Variants in SNX3 observed in about 807,000 individuals in gnomAD.
SNX3 encodes the protein sorting nexin 3.
A neutral mutation model predicts 17.7 loss-of-function variants in SNX3; 5 were observed. The ratio of observed to expected loss-of-function variants is 0.28; its 90% CI spans 0.15 to 0.59. SNX3 has a LOEUF of 0.59. SNX3 is among the 20% of genes least tolerant of loss of function. SNX3 has a pLI of 0.88. For synonymous variants in SNX3, 91 were observed against 76.5 expected (o/e 1.19, Z -0.99); for missense variants, 132 against 206.8 (o/e 0.64, Z 2.22).
intron 1 of SNX3, among the ~76,000 whole-genome samples, chr6:108,229,389 T>TCTTTC (rs1048941510): frequency 6.6e-6 from 1 of 152,076 alleles, no homozygotes; most frequent in African/African-American, 2.4e-5. Flanking sequence ...CCCCTCCTTT[T>TCTTTC]CTTTCCTTTC....
At chr6:108,251,433 G>C (rs1385352735) in intron 1 of SNX3, among the ~76,000 whole-genome samples, 2 of 152,140 alleles carry the variant, frequency 1.3e-5, no homozygotes, top group African/African-American at 2.4e-5. Flanking sequence ...ATGGCCACCT[G>C]GTTAAATTTC....
chr6:108,233,076 T>C (rs1775222177), intron 1 of SNX3, among the ~76,000 whole-genome samples: 1 of 152,254 alleles, frequency 6.6e-6, no homozygotes, highest in Non-Finnish European at 1.5e-5. Flanking sequence ...CTTTATGGTA[T>C]AATTTCCAAA....
chr6:108,246,229 T>TTG (rs529015192), intron 1 of SNX3, among the ~76,000 whole-genome samples: 30 of 151,960 alleles, frequency 2.0e-4, no homozygotes, highest in Non-Finnish European at 3.8e-4. Context: ...TTTGCTAGGT[T>TTG]TGTCGAGGAT....
At chr6:108,221,532 C>CTT (rs554429322) in intron 2 of SNX3, among the ~76,000 whole-genome samples, 9,132 of 57,674 alleles carry the variant, frequency 0.16, 3,390 homozygotes, top group East Asian at 0.31. Flanking sequence ...CAGTATTACA[C>CTT]TTTTTTTTTT....
chr6:108,234,071 A>G (rs143539988), intron 1 of SNX3, among the ~76,000 whole-genome samples: 53 of 152,042 alleles, frequency 3.5e-4, no homozygotes, highest in African/African-American at 9.9e-4. Flanking sequence ...TTTACATTAT[A>G]TTTACAGTGT....
At chr6:108,250,627 A>G (rs1775824453) in intron 1 of SNX3, among the ~76,000 whole-genome samples, 1 of 152,162 alleles carries the variant, frequency 6.6e-6, no homozygotes, top group Non-Finnish European at 1.5e-5. Context: ...TAAAGTCAAG[A>G]CAAGAGAGGG....
At chr6:108,246,708 G>A (rs762820364) in intron 1 of SNX3, among the ~76,000 whole-genome samples, 53 of 151,736 alleles carry the variant, frequency 3.5e-4, no homozygotes, top group Non-Finnish European at 6.3e-4. Flanking sequence ...AATAGAATGT[G>A]TTCTCAGCAT....
intron 1 of SNX3, among the ~76,000 whole-genome samples, chr6:108,238,306 A>T (rs1775415034): frequency 6.6e-6 from 1 of 152,192 alleles, no homozygotes; most frequent in Non-Finnish European, 1.5e-5. Flanking sequence ...AGAGAATTAA[A>T]GAGATGGAAT....
rs1776173975 is a variant in SNX3, at chr6:108,260,846, T to TGG, written c.74_75dup (p.Ser26ProfsTer9). Reference sequence around the variant, plus strand: ...CTCACATCGATCTCGAGGAAGTTGCTGGGGGGTCCGTAGGCGTCATTCAGG... The same window carrying TGG: ...CTCACATCGATCTCGAGGAAGTTGCTGGGGGGGGTCCGTAGGCGTCATTCAGG... On this transcript the variant is annotated frameshift_variant, in exon 1 of 4. Transcript: ENST00000230085. LOFTEE classifies it high-confidence loss of function. 6.2e-7 allele frequency: 1 copy of TGG among 1,613,498 alleles called. No homozygotes were observed. Among genetic ancestry groups the TGG allele is most frequent in the Non-Finnish European group, 8.5e-7 (1 of 1,179,674 alleles).
chr6:108,249,790 C>T (rs1775794562), intron 1 of SNX3, among the ~76,000 whole-genome samples: 1 of 151,014 alleles, frequency 6.6e-6, no homozygotes, highest in African/African-American at 2.5e-5. Context: ...ATTCACCACC[C>T]AACAATAGGG....
rs766332606 is a variant in SNX3 at position 108,260,859 on chromosome 6, G to A, written c.63C>T (p.Ala21=). Residue 21 remains alanine (A), a synonymous_variant, in exon 1 of 4, where the codon GCC becomes GCT. Transcript: ENST00000230085. ...CGAGGAAGTTGCTGGGGGGTCCGTA[G>A]GCGTCATTCAGGTTCTGCGGCTTGG... The part of the protein sequence containing the change: ...LITKPQNLND[A]YGPPSNFLEI... The A allele has an allele frequency of 3.7e-6, 6 of 1,613,182 alleles. No individual in the cohort carries two copies. The highest frequency in any genetic ancestry group is 4.2e-6 in the Non-Finnish European group (5 of 1,179,520).
chr6:108,229,244 AGC>A (rs1775064896), intron 1 of SNX3, among the ~76,000 whole-genome samples: 1 of 143,658 alleles, frequency 7.0e-6, no homozygotes. Flanking sequence ...TGGGCGACAG[AGC>A]GAGACTCCAC....
At chr6:108,216,681 T>C (rs1344980575) in intron 2 of SNX3, among the ~76,000 whole-genome samples, 2 of 152,154 alleles carry the variant, frequency 1.3e-5, no homozygotes, top group Non-Finnish European at 2.9e-5. Flanking sequence ...TTCAAAAAAA[T>C]TAAAACTTTA....
chr6:108,214,609 G>T lies in SNX3; in HGVS notation c.272C>A (p.Pro91Gln). 2 of 1,611,620 alleles carry T rather than the reference G, an allele frequency of 1.2e-6. No individual in the cohort carries two copies. Among genetic ancestry groups the T allele is most frequent in the Non-Finnish European group, 1.7e-6 (2 of 1,179,390 alleles). ...LERESKVVVP[P>Q]LPGKAFLRQL... ...ACGCAAAAACGCTTTCCCAGGGAGC[G>T]GGGGAACTACGACCTAAAATGTGAA... Residue 91 changes from proline (P) to glutamine (Q), a missense_variant, in exon 3 of 4, where the codon CCG becomes CAG. Pro to Gln is a moderately conservative substitution (Grantham distance 76). Around this residue, in one of 2 missense-constraint regions of SNX3, gnomAD observed 54 missense variants for 118.0 expected, o/e 0.46. Coordinates refer to ENST00000230085, the MANE Select transcript of SNX3 (RefSeq NM_003795.6).
At chr6:108,239,960 A>G (rs899695726) in intron 1 of SNX3, among the ~76,000 whole-genome samples, 1 of 152,236 alleles carries the variant, frequency 6.6e-6, no homozygotes, top group Non-Finnish European at 1.5e-5. Flanking sequence ...CATAATATGA[A>G]TAAGACCATT....
intron 1 of SNX3, among the ~76,000 whole-genome samples, chr6:108,247,568 G>A (rs1286052778): frequency 3.3e-5 from 5 of 151,716 alleles, no homozygotes; most frequent in Non-Finnish European, 2.9e-5. Context: ...AAAAAACAAC[G>A]TTTAAGTCTC....
chr6:108,228,503 G>A (rs907291632), intron 1 of SNX3, among the ~76,000 whole-genome samples: 21 of 151,756 alleles, frequency 1.4e-4, no homozygotes, highest in African/African-American at 3.1e-4. Flanking sequence ...CCAAGATTGC[G>A]CCACTGCACT....
At chr6:108,253,889 G>T (rs1775947076) in intron 1 of SNX3, among the ~76,000 whole-genome samples, 1 of 152,090 alleles carries the variant, frequency 6.6e-6, no homozygotes, top group Admixed American at 6.6e-5. Context: ...ACTTTGGGAG[G>T]CCGAGGTGGG....
At chr6:108,238,619 A>AT (rs1562432385) in intron 1 of SNX3, among the ~76,000 whole-genome samples, 1 of 152,076 alleles carries the variant, frequency 6.6e-6, no homozygotes, top group Admixed American at 6.6e-5. Context: ...AAAAAAGAAA[A>AT]TTTTTTTAAA....
Sources: gnomAD v4.1 joint callset for allele counts (sites outside exome capture counted in the v4.1 genomes callset) on GRCh38, gnomAD v4.1.1 for gene constraint, gnomAD v4.1.1 regional missense constraint, MANE v1.5 for transcripts, NCBI Gene and HGNC (gene_info 2026-07-23, HGNC 2026-07-21) for gene names.